MIER1: variants seen among roughly 807,000 people sequenced by gnomAD.
MIER1 encodes the protein mesoderm induction early response protein 1.
MIER1 carries 40 observed loss-of-function variants against 75.7 expected under a neutral mutation model. The observed-to-expected ratio is 0.53, with a 90% CI of 0.41 to 0.69. The LOEUF is 0.69. Among genes scored for constraint, MIER1 ranks in the 30% least tolerant of loss-of-function variants. The pLI, the probability that MIER1 is intolerant of heterozygous loss-of-function variation, is 0.00. For synonymous variants in MIER1, 213 were observed against 223.4 expected, an observed-to-expected ratio of 0.95 and a Z score of 0.42; for missense variants, 574 against 680.2, an observed-to-expected ratio of 0.84 and a Z score of 1.74.
At position 66,986,265 on chromosome 1, in the gene MIER1, AT is replaced by A; in HGVS notation, c.*1366del. 7.1e-7 allele frequency: 1 copy of A among 1,407,268 alleles called. No homozygotes were observed. The highest frequency in any genetic ancestry group is 9.2e-7 in the Non-Finnish European group (1 of 1,085,792). 87.2% of individuals were successfully genotyped at this position (1,407,268 alleles called of 1,614,324 possible). A position where few individuals can be genotyped will look rare whatever the true frequency, so the allele number is the denominator to read the frequency against. On this transcript the variant is annotated 3_prime_UTR_variant, in exon 14 of 14. Transcript: ENST00000401041. ...TGTGTGATTACAGATAGGATTATCCATCTGCATAGCCTTGTAAAAGTGCCAT... is the reference window on the plus strand; with the variant it reads ...TGTGTGATTACAGATAGGATTATCCACTGCATAGCCTTGTAAAAGTGCCAT...
At chr1:66,966,549 C>T (rs560021664) in intron 8 of MIER1, among the ~76,000 whole-genome samples, 1 of 152,146 alleles carries the variant, frequency 6.6e-6, no homozygotes, top group South Asian at 2.1e-4. Context: ...GGGTATATGC[C>T]CAATAATGGG....
intron 3 of MIER1, among the ~76,000 whole-genome samples, chr1:66,944,178 TTCATAA>T (rs1206719869): frequency 6.6e-6 from 1 of 152,232 alleles, no homozygotes; most frequent in African/African-American, 2.4e-5. Flanking sequence ...CATTCCCTTA[TTCATAA>T]TAGTCGGATT....
intron 13 of MIER1, among the ~76,000 whole-genome samples, chr1:66,982,470 T>A (rs190360106): frequency 3.9e-5 from 6 of 152,290 alleles, no homozygotes; most frequent in Admixed American, 3.9e-4. Flanking sequence ...TTGTTTGAGG[T>A]TCAGATAGTG....
intron 4 of MIER1, chr1:66,947,626 CCT>C (rs1657964788): frequency 6.6e-6 from 1 of 152,198 alleles, no homozygotes; most frequent in African/African-American, 2.4e-5. Context: ...TTCCCCATTT[CCT>C]CTTTTACCAT....
At chr1:66,975,944 T>C (rs1664616172) in intron 11 of MIER1, among the ~76,000 whole-genome samples, 1 of 152,104 alleles carries the variant, frequency 6.6e-6, no homozygotes, top group Non-Finnish European at 1.5e-5. Flanking sequence ...TAGCAAACTG[T>C]TTATAACATT....
intron 1 of MIER1, chr1:66,925,398 C>G (rs1287016554): frequency 3.0e-6 from 3 of 985,354 alleles, no homozygotes; most frequent in Non-Finnish European, 3.6e-6. Context: ...TCGCCTCGCC[C>G]CGTTCGCTTC....
At chr1:66,930,980 A>G (rs919782478) in intron 2 of MIER1, among the ~76,000 whole-genome samples, 5 of 152,110 alleles carry the variant, frequency 3.3e-5, no homozygotes, top group African/African-American at 7.2e-5. Flanking sequence ...TTATCCAGAC[A>G]GTTCCATCTC....
chr1:66,939,857 A>T (rs1265344377), intron 2 of MIER1, among the ~76,000 whole-genome samples, 171 bp from the exon 3 acceptor site: 1 of 152,180 alleles, frequency 6.6e-6, no homozygotes, highest in Non-Finnish European at 1.5e-5. Flanking sequence ...GGAAGGGATT[A>T]TATGGGAAGT....
intron 4 of MIER1, among the ~76,000 whole-genome samples, chr1:66,952,539 C>A (rs900296161): frequency 4.6e-5 from 7 of 152,170 alleles, no homozygotes; most frequent in Admixed American, 3.3e-4. Context: ...TGAAGAATTT[C>A]ATGTAAGTCT....
intron 2 of MIER1, among the ~76,000 whole-genome samples, chr1:66,937,150 A>AG (rs1489064113): frequency 1.3e-5 from 2 of 152,152 alleles, no homozygotes; most frequent in Non-Finnish European, 2.9e-5. Context: ...TCTAGACTTC[A>AG]GGCCTGCCTT....
Position 66,986,584 on chromosome 1 carries a change from A to G in MIER1, c.*1684A>G, listed in dbSNP as rs991364468. The G allele has an allele frequency of 6.5e-5, 57 of 878,550 alleles. No individual in the cohort carries two copies. The highest frequency in any genetic ancestry group is 9.6e-5 in the Non-Finnish European group (52 of 541,708). The allele number at this position is 878,550 out of a possible 1,614,324, so 54.4% of individuals were successfully genotyped here. On this transcript the variant is annotated 3_prime_UTR_variant, in exon 14 of 14. Coordinates refer to ENST00000401041, the MANE Select transcript of MIER1 (RefSeq NM_001077700.3). ...ACCCCCATGAAGTATTACTGTTAAC[A>G]TATGTTCGGACTGCTTCCCTTCACC... is the stretch of plus-strand genomic sequence containing the variant.
Position 66,987,148 on chromosome 1 carries a change from C to T in MIER1, c.*2248C>T, listed in dbSNP as rs982203393. The T allele has an allele frequency of 2.6e-5, 4 of 152,628 alleles. No homozygotes were observed. The highest frequency in any genetic ancestry group is 4.4e-5 in the Non-Finnish European group (3 of 67,962). The allele number at this position is 152,628 out of a possible 1,614,324, so 9.5% of individuals were successfully genotyped here. A position where few individuals can be genotyped will look rare whatever the true frequency, so the allele number is the denominator to read the frequency against. ...TAATGAAAGACATTCCACTATTATG[C>T]GTAATGCTCAGCTTTTTGTAAAGAA... On this transcript the variant is annotated 3_prime_UTR_variant, in exon 14 of 14. Coordinates refer to ENST00000401041, the MANE Select transcript of MIER1 (RefSeq NM_001077700.3).
chr1:66,932,818 A>G (rs1653773188), intron 2 of MIER1: 1 of 152,100 alleles, frequency 6.6e-6, no homozygotes, highest in Non-Finnish European at 1.5e-5. Context: ...CTCCAGAGAA[A>G]AATGTAGGTA....
chr1:66,956,985 G>A (rs1660260512), intron 4 of MIER1, among the ~76,000 whole-genome samples: 1 of 152,126 alleles, frequency 6.6e-6, no homozygotes, highest in African/African-American at 2.4e-5. Context: ...TTCCATGACT[G>A]CTGGAGAAAC....
chr1:66,955,039 ACTT>A (rs1360891160), intron 4 of MIER1, among the ~76,000 whole-genome samples: 1 of 152,104 alleles, frequency 6.6e-6, no homozygotes, highest in East Asian at 1.9e-4. Context: ...AGTGAGTCAC[ACTT>A]CTTATCTGTA....
At chr1:66,963,560 A>G (rs572115662) in intron 8 of MIER1, among the ~76,000 whole-genome samples, 32 of 152,318 alleles carry the variant, frequency 2.1e-4, no homozygotes, top group Non-Finnish European at 4.4e-4. Flanking sequence ...TAACTGATAT[A>G]AACAGCTTAT....
At chr1:66,932,065 AAAT>A (rs1207193211) in intron 2 of MIER1, among the ~76,000 whole-genome samples, 1 of 152,190 alleles carries the variant, frequency 6.6e-6, no homozygotes, top group Non-Finnish European at 1.5e-5. Context: ...TGTTTTTAAA[AAAT>A]AAATTTTATT....
chr1:66,958,994 C>G lies in MIER1; in HGVS notation c.634+11C>G. 1 of 1,607,866 alleles carries G rather than the reference C, an allele frequency of 6.2e-7. No individual in the cohort carries two copies. Among genetic ancestry groups the G allele is most frequent in the Non-Finnish European group, 8.5e-7 (1 of 1,175,744 alleles). ...AATATTTTGATACAAGTAAGTGTTA[C>G]TGGTTGATAATATTTGAATATAATT... On this transcript the variant is annotated intron_variant, in intron 6 of 13. Coordinates refer to ENST00000401041, the MANE Select transcript of MIER1 (RefSeq NM_001077700.3).
chr1:66,926,126 C>G lies in MIER1; in HGVS notation c.68-16C>G, dbSNP rs1651713277. 2 of 1,608,438 alleles carry G rather than the reference C, an allele frequency of 1.2e-6. No homozygotes were observed. The highest frequency in any genetic ancestry group is 1.1e-5 in the South Asian group (1 of 90,962). On this transcript the variant is annotated splice_polypyrimidine_tract_variant and intron_variant, in intron 1 of 13. Coordinates refer to ENST00000401041, the MANE Select transcript of MIER1 (RefSeq NM_001077700.3). ...TCTGTCTCCTTGCTACTGAGGCTCT[C>G]TTTCCTTTGATCCAGATGGTGTGGT...
Sources: allele counts gnomAD v4.1 joint callset (sites outside exome capture counted in the v4.1 genomes callset), GRCh38; gene constraint gnomAD v4.1.1; transcripts MANE v1.5; gene names NCBI Gene and HGNC (gene_info 2026-07-23, HGNC 2026-07-21).